The following HS1BP3 variants were observed in gnomAD, a reference collection of about 807,000 sequenced individuals.
HS1BP3 encodes the protein HCLS1 binding protein 3.
A neutral mutation model predicts 33.5 loss-of-function variants in HS1BP3; 32 were observed. That is an observed-to-expected ratio of 0.95 (90% CI 0.72 to 1.28). The LOEUF (loss-of-function observed/expected upper bound fraction) is 1.28, where lower values mean the gene tolerates loss of function less well. HS1BP3 is among the 50% of genes most tolerant of loss of function. The pLI is 0.00. For missense variants in HS1BP3, 486 were observed against 502.3 expected, an observed-to-expected ratio of 0.97 and a Z score of 0.31; for synonymous variants, 187 against 209.2, an observed-to-expected ratio of 0.89 and a Z score of 0.92.
intron 5 of HS1BP3, among the ~76,000 whole-genome samples, chr2:20,577,278 C>T (rs1484461523): frequency 6.6e-6 from 1 of 151,960 alleles, no homozygotes; most frequent in Non-Finnish European, 1.5e-5. Context: ...GAAAGGGGGA[C>T]CCTCCTGATG....
chr2:20,603,882 T>G (rs949834284), intron 2 of HS1BP3, among the ~76,000 whole-genome samples: 6 of 152,206 alleles, frequency 3.9e-5, no homozygotes, highest in African/African-American at 1.4e-4. Flanking sequence ...TTCCCAGCTA[T>G]GTAAGCTCCT....
At chr2:20,571,489 G>A (rs757130804) in intron 5 of HS1BP3, among the ~76,000 whole-genome samples, 12 of 152,104 alleles carry the variant, frequency 7.9e-5, no homozygotes, top group African/African-American at 2.2e-4. Flanking sequence ...CCTGTGCCTC[G>A]GCATTTCCAA....
the HS1BP3 span, among the ~76,000 whole-genome samples, chr2:20,554,941 G>A: frequency 2.0e-5 from 3 of 152,168 alleles, no homozygotes; most frequent in African/African-American, 4.8e-5. Flanking sequence ...CCCCACCGTG[G>A]CCACCTTTCC....
chr2:20,619,505 C>T (rs973028054), intron 6 of HS1BP3, among the ~76,000 whole-genome samples: 7 of 152,222 alleles, frequency 4.6e-5, no homozygotes, highest in African/African-American at 9.6e-5. Context: ...ACGCAGCCTC[C>T]TGAGAGTTGC....
At chr2:20,633,316 G>A (rs547243320) in intron 4 of HS1BP3, among the ~76,000 whole-genome samples, 80 of 152,298 alleles carry the variant, frequency 5.3e-4, no homozygotes, top group African/African-American at 1.8e-3. Flanking sequence ...AGGCTGGAGG[G>A]ACAAAGATCC....
chr2:20,589,161 G>C (rs1236557299), downstream of HS1BP3, among the ~76,000 whole-genome samples: 1 of 152,186 alleles, frequency 6.6e-6, no homozygotes, highest in East Asian at 1.9e-4. Context: ...TGCATAGATT[G>C]GTCAGCAATG....
At chr2:20,635,279 A>G (rs1695089825) in intron 4 of HS1BP3, 1 of 152,224 alleles carries the variant, frequency 6.6e-6, no homozygotes, top group Non-Finnish European at 1.5e-5. Context: ...CCACGCCCAC[A>G]AGCAAGGGCC....
At chr2:20,557,193 A>T (rs966038851), downstream of HS1BP3, among the ~76,000 whole-genome samples, 1 of 152,226 alleles carries the variant, frequency 6.6e-6, no homozygotes, top group African/African-American at 2.4e-5. Context: ...TTCTGATGCT[A>T]ATGCGATTCC....
In HS1BP3 at chr2:20,640,400, G is replaced by C. The variant is rs1248986915; in HGVS notation, c.406+573C>G. ...ACCTTACAGATGAGAAAACTGAGGAGAGAAGACAGGGCCAGGACACCCATG... is the reference window on the plus strand; with the variant it reads ...ACCTTACAGATGAGAAAACTGAGGACAGAAGACAGGGCCAGGACACCCATG... On this transcript the variant is annotated intron_variant, in intron 3 of 6. Transcript: ENST00000304031. 7 of 198,354 alleles carry C rather than the reference G, an allele frequency of 3.5e-5. 1 individual carries two copies. Among genetic ancestry groups the C allele is most frequent in the Non-Finnish European group, 5.1e-5 (5 of 98,930 alleles). The allele number at this position is 198,354 out of a possible 1,614,324, so 12.3% of individuals were successfully genotyped here.
At chr2:20,578,072 A>G (rs73919913) in intron 5 of HS1BP3, among the ~76,000 whole-genome samples, 6,469 of 152,256 alleles carry the variant, frequency 0.042, 441 homozygotes, top group African/African-American at 0.14. Flanking sequence ...GACCTCTGGC[A>G]TGGAACACTC....
exon 4 of HS1BP3, chr2:20,592,771 A>T (rs1232460267): frequency 6.6e-6 from 1 of 152,180 alleles, no homozygotes; most frequent in African/African-American, 2.4e-5. Context: ...TCTCTTCTCC[A>T]CTGTGTGTCT....
the HS1BP3 span, among the ~76,000 whole-genome samples, chr2:20,555,106 A>G: frequency 6.6e-6 from 1 of 152,166 alleles, no homozygotes; most frequent in African/African-American, 2.4e-5. Context: ...CTCGCAATCC[A>G]TGTTTACACC....
intron 2 of HS1BP3, among the ~76,000 whole-genome samples, chr2:20,598,531 C>G (rs988635123): frequency 1.4e-5 from 2 of 140,128 alleles, no homozygotes; most frequent in Non-Finnish European, 3.0e-5. Context: ...GGCCAGGGAC[C>G]GGTACTTCTT....
chr2:20,563,418 C>G (rs1693050560), intron 5 of HS1BP3, among the ~76,000 whole-genome samples: 1 of 152,192 alleles, frequency 6.6e-6, no homozygotes, highest in Non-Finnish European at 1.5e-5. Context: ...GGTTAGACCC[C>G]CAGCAATGAG....
downstream of HS1BP3, chr2:20,590,643 G>C (rs937001521): frequency 6.6e-6 from 1 of 152,486 alleles, no homozygotes; most frequent in Non-Finnish European, 1.5e-5. Context: ...TGTGGGCTGG[G>C]CCAGGCTGGG....
chr2:20,580,578 G>A (rs1286634980), intron 5 of HS1BP3, among the ~76,000 whole-genome samples: 1 of 152,072 alleles, frequency 6.6e-6, no homozygotes, highest in African/African-American at 2.4e-5. Context: ...AAATTAATTT[G>A]TTAAAAGGAA....
In HS1BP3 at chr2:20,567,270, T is replaced by A. The variant is rs1451674332; in HGVS notation, c.303-6755A>T. Among the ~76,000 whole-genome samples the A allele has an allele frequency of 3.9e-5, 6 of 152,154 alleles. No homozygotes were observed. In the East Asian group the frequency reaches 1.2e-3, roughly 29 times the overall value. On this transcript the variant is annotated intron_variant, in intron 5 of 5. Coordinates refer to the HS1BP3 transcript ENST00000446825. ...ACCCCCGGACTCAAGTTCCTTCCAC[T>A]GGTCAAGCCACATTCCCTGTAAGGT...
intron 2 of HS1BP3, among the ~76,000 whole-genome samples, chr2:20,601,472 T>C (rs757873351): frequency 4.6e-5 from 7 of 152,180 alleles, no homozygotes; most frequent in Non-Finnish European, 8.8e-5. Flanking sequence ...CCATATCTCA[T>C]CTTGAATTGT....
At position 20,620,912 on chromosome 2, in the gene HS1BP3, C is replaced by A. The variant is rs191608352; in HGVS notation, c.921-1667G>T. Among the ~76,000 whole-genome samples, 192 of 152,320 alleles carry A rather than the reference C, an allele frequency of 1.3e-3. 1 individual carries two copies. Among genetic ancestry groups the A allele is most frequent in the South Asian group, 0.011 (53 of 4,826 alleles). On this transcript the variant is annotated intron_variant, in intron 6 of 6. Coordinates refer to ENST00000304031, the MANE Select transcript of HS1BP3 (RefSeq NM_022460.4). The stretch of plus-strand genomic sequence containing the variant: ...GACAGGGGCCACATAATTGCAAAGG[C>A]CTGGAAAGAAGGTGTTGAAGTCCAG...
Sources: allele counts gnomAD v4.1 joint callset (sites outside exome capture counted in the v4.1 genomes callset), GRCh38; gene constraint gnomAD v4.1.1; transcripts MANE v1.5; gene names NCBI Gene and HGNC (gene_info 2026-07-23, HGNC 2026-07-21).